The following CEMIP variants were observed in gnomAD, a reference collection of about 807,000 sequenced individuals.
CEMIP encodes cell migration-inducing and hyaluronan-binding protein.
A neutral mutation model predicts 156.9 loss-of-function variants in CEMIP; 105 were observed. The ratio of observed to expected loss-of-function variants is 0.67; its 90% CI spans 0.57 to 0.79. CEMIP has a LOEUF of 0.79. Ranked by LOEUF, CEMIP falls within the 30% of genes least tolerant of loss-of-function variation. CEMIP has a pLI of 0.00. For synonymous variants in CEMIP, 676 were observed against 668.4 expected, an observed-to-expected ratio of 1.01 and a Z score of -0.17; for missense variants, 1,457 against 1,769.4, an observed-to-expected ratio of 0.82 and a Z score of 3.17.
At chr15:80,937,741 G>C in intron 24 of CEMIP, 53 bp from the exon 25 acceptor site, 1 of 1,557,732 alleles carries the variant, frequency 6.4e-7, no homozygotes, top group South Asian at 1.1e-5. Context: ...TGCTCCAAAG[G>C]CCCTGTGGCC....
At chr15:80,785,942 T>C (rs1252772339) in intron 1 of CEMIP, among the ~76,000 whole-genome samples, 2 of 152,204 alleles carry the variant, frequency 1.3e-5, no homozygotes, top group Non-Finnish European at 2.9e-5. Context: ...GTTAGGCCTC[T>C]TTCCTTTAGG....
Position 80,949,081 on chromosome 15 carries a change from C to G in CEMIP, c.*157C>G, listed in dbSNP as rs1901700084. 4 of 944,686 alleles carry G rather than the reference C, an allele frequency of 4.2e-6. No homozygotes were observed. The East Asian group carries it at 1.0e-4, about 24-fold the overall frequency. The allele number at this position is 944,686 out of a possible 1,614,324, so 58.5% of individuals were successfully genotyped here. ...GGGCCAAGGGAAGGCTATCAGAGAC[C>G]CTGGTGCTGCCACCTGCCCCTACTC... On this transcript the variant is annotated 3_prime_UTR_variant, in exon 30 of 30. Coordinates refer to ENST00000394685, the MANE Select transcript of CEMIP (RefSeq NM_001293298.2).
chr15:80,898,438 T>A (rs1899321635), intron 12 of CEMIP, among the ~76,000 whole-genome samples: 1 of 152,196 alleles, frequency 6.6e-6, no homozygotes, highest in Admixed American at 6.5e-5. Context: ...TTAGGTGCAA[T>A]AATTTAGCAG....
At chr15:80,845,809 A>G (rs1897539655) in intron 1 of CEMIP, among the ~76,000 whole-genome samples, 1 of 152,208 alleles carries the variant, frequency 6.6e-6, no homozygotes, top group Admixed American at 6.5e-5. Context: ...GCGGAGCTGG[A>G]TGGGATCAGA....
At chr15:80,921,957 A>G (rs1456337896) in intron 16 of CEMIP, 52 bp from the exon 17 acceptor site, 1 of 1,612,210 alleles carries the variant, frequency 6.2e-7, no homozygotes, top group Non-Finnish European at 8.5e-7. Flanking sequence ...CTTGCCCAGG[A>G]GCTCTCTGGG....
rs750267593 is a variant in CEMIP at position 80,925,630 on chromosome 15, C to A, written c.2295C>A (p.Ser765Arg). 4.3e-6 allele frequency: 7 copies of A among 1,612,584 alleles called. No individual in the cohort carries two copies. Among genetic ancestry groups the A allele is most frequent in the South Asian group, 2.2e-5 (2 of 91,046 alleles). ...PFLSIISARY[S>R]PHQDADPLKP... is the part of the protein sequence containing the mutation. Reference sequence around the variant, plus strand: ...CCCCATGGTTGTGCTGCAGATACAGCCCTCACCAGGACGCCGACCCGCTGA... The same window carrying A: ...CCCCATGGTTGTGCTGCAGATACAGACCTCACCAGGACGCCGACCCGCTGA... Residue 765 changes from serine to arginine, a missense_variant, in exon 19 of 30, where the codon AGC becomes AGA. Physicochemically the swap from Ser to Arg is moderately radical, Grantham distance 110. Coordinates refer to ENST00000394685, the MANE Select transcript of CEMIP (RefSeq NM_001293298.2).
chr15:80,935,630 C>T (rs1250530861), intron 23 of CEMIP, among the ~76,000 whole-genome samples: 2 of 152,194 alleles, frequency 1.3e-5, no homozygotes, highest in Non-Finnish European at 2.9e-5. Context: ...AAAAGCACAA[C>T]ATCATTGCAC....
At chr15:80,857,709 T>C (rs1186917165) in intron 1 of CEMIP, among the ~76,000 whole-genome samples, 1 of 152,212 alleles carries the variant, frequency 6.6e-6, no homozygotes, top group Non-Finnish European at 1.5e-5. Context: ...TTGACCACAC[T>C]CTGAGTAGCA....
chr15:80,909,341 T>C (rs1029094514), intron 14 of CEMIP, 35 bp downstream of exon 14: 1 of 1,599,322 alleles, frequency 6.3e-7, no homozygotes, highest in African/African-American at 1.3e-5. Flanking sequence ...ACTCTGGGGA[T>C]GGGCCATGGA....
At chr15:80,829,484 C>T (rs1441315047) in intron 1 of CEMIP, among the ~76,000 whole-genome samples, 1 of 152,240 alleles carries the variant, frequency 6.6e-6, no homozygotes, top group Non-Finnish European at 1.5e-5. Context: ...AAGCTACCCA[C>T]ATTTTTCATC....
At chr15:80,896,798 T>G (rs1899245216) in intron 12 of CEMIP, among the ~76,000 whole-genome samples, 1 of 152,214 alleles carries the variant, frequency 6.6e-6, no homozygotes, top group Non-Finnish European at 1.5e-5. Flanking sequence ...AGGAATTTAT[T>G]GAGAGGCTAT....
rs144181572 is a variant in CEMIP, at chr15:80,855,636, T to C, written c.-175-17902T>C. On this transcript the variant is annotated intron_variant, in intron 1 of 29. Transcript: ENST00000394685. Reference sequence around the variant, plus strand: ...TCCTGCCTCCTGGGTTCAGCTCCTGTCTCGGCCTCCCAAGTAGCTGGGACC... The same window carrying C: ...TCCTGCCTCCTGGGTTCAGCTCCTGCCTCGGCCTCCCAAGTAGCTGGGACC... 2.8e-4 allele frequency among the ~76,000 whole-genome samples: 43 copies of C among 152,228 alleles called. No individual in the cohort carries two copies. The South Asian group carries it at 4.4e-3, about 15-fold the overall frequency.
intron 1 of CEMIP, among the ~76,000 whole-genome samples, chr15:80,838,108 C>A (rs1410314939): frequency 6.6e-6 from 1 of 152,146 alleles, no homozygotes; most frequent in East Asian, 1.9e-4. Context: ...CCCTGACCTG[C>A]GATGTGGAAG....
chr15:80,844,043 C>T (rs568302603), intron 1 of CEMIP, among the ~76,000 whole-genome samples: 2 of 152,274 alleles, frequency 1.3e-5, no homozygotes, highest in Non-Finnish European at 2.9e-5. Flanking sequence ...CTTCACTCTC[C>T]ATGGGGGCTG....
chr15:80,835,610 G>A (rs914499172), intron 1 of CEMIP, among the ~76,000 whole-genome samples: 6 of 152,218 alleles, frequency 3.9e-5, no homozygotes, highest in African/African-American at 7.2e-5. Context: ...CTGCATCCAC[G>A]GGGTGCCCAC....
rs112056985 is a variant in CEMIP at position 80,829,990 on chromosome 15, G to GTGTGTGTGTGTGTGTGTGTGTGTT, written c.-175-43536_-175-43535insTGTGTGTGTGTTTGTGTGTGTGTG. ...GGTGTGTGTGTGTGTGTGTGTGTGT[G>GTGTGTGTGTGTGTGTGTGTGTGTT]TGTGTGTGTGTGCGCGCATGTCCTT... is the stretch of plus-strand genomic sequence containing the variant. On this transcript the variant is annotated intron_variant, in intron 1 of 29. Transcript: ENST00000394685. Among the ~76,000 whole-genome samples, 1,107 of 149,244 alleles carry GTGTGTGTGTGTGTGTGTGTGTGTT rather than the reference G, an allele frequency of 7.4e-3. 13 individuals carry two copies. Among genetic ancestry groups the GTGTGTGTGTGTGTGTGTGTGTGTT allele is most frequent in the African/African-American group, 0.026 (1,035 of 40,008 alleles).
rs149273583 is a variant in CEMIP, at chr15:80,890,157, G to T, written c.1086+565G>T. ...TACAGGCCTCACCAGCTGAGCCAGT[G>T]GGATACTAGGCTTTGGGAACAACAG... is the stretch of plus-strand genomic sequence containing the variant. On this transcript the variant is annotated intron_variant, in intron 10 of 29. Transcript: ENST00000394685. Among the ~76,000 whole-genome samples the T allele has an allele frequency of 1.7e-3, 265 of 152,310 alleles. 6 individuals are homozygous for T. In the East Asian group the frequency reaches 0.043, roughly 25 times the overall value.
At chr15:80,827,163 G>T (rs11638026) in intron 1 of CEMIP, among the ~76,000 whole-genome samples, 1 of 152,110 alleles carries the variant, frequency 6.6e-6, no homozygotes, top group African/African-American at 2.4e-5. Context: ...CGTGTCCCCA[G>T]TGATGATTTT....
At chr15:80,938,626 T>C (rs1029264768) in intron 25 of CEMIP, among the ~76,000 whole-genome samples, 1 of 152,008 alleles carries the variant, frequency 6.6e-6, no homozygotes. Flanking sequence ...ACAGGGAAAA[T>C]AGGAGAGACT....
Sources: allele counts gnomAD v4.1 joint callset (sites outside exome capture counted in the v4.1 genomes callset), GRCh38; gene constraint gnomAD v4.1.1; transcripts MANE v1.5; gene names NCBI Gene and HGNC (gene_info 2026-07-23, HGNC 2026-07-21).